The following HLCS variants were observed in gnomAD, a reference collection of about 807,000 sequenced individuals.
The protein encoded by HLCS is holocarboxylase synthetase, also known as biotin--protein ligase.
In HLCS, 53 loss-of-function variants were observed where a neutral mutation model predicts 75.0. The ratio of observed to expected loss-of-function variants is 0.71; its 90% CI spans 0.57 to 0.89. The LOEUF is 0.89. Ranked by LOEUF, HLCS falls within the 40% of genes least tolerant of loss-of-function variation. The probability of loss-of-function intolerance (pLI) is 0.00; values close to 1 mark genes in which losing one functional copy is unlikely to be tolerated. For missense variants in HLCS, 966 were observed against 1,074.0 expected (o/e 0.90, Z 1.41); for synonymous variants, 431 against 428.6 (o/e 1.01, Z -0.07).
chr21:36,897,227 C>T lies in HLCS; in HGVS notation c.1621-96G>A, dbSNP rs567144772. On this transcript the variant is annotated intron_variant, in intron 5 of 10. Coordinates refer to ENST00000674895, the MANE Select transcript of HLCS (RefSeq NM_001352514.2). ...TAATGCCATTTTGGTAATATGAGTA[C>T]TTCCTAATTCATGACCAAGAAAAGC... is the stretch of plus-strand genomic sequence containing the variant. 118 of 1,199,052 alleles carry T rather than the reference C, an allele frequency of 9.8e-5. No homozygotes were observed. In the African/African-American group the frequency reaches 1.0e-3, roughly 11 times the overall value. The allele number at this position is 1,199,052 out of a possible 1,614,324, so 74.3% of individuals were successfully genotyped here. A position where few individuals can be genotyped will look rare whatever the true frequency, so the allele number is the denominator to read the frequency against.
intron 6 of HLCS, among the ~76,000 whole-genome samples, chr21:36,862,723 G>A (rs1203617923): frequency 6.6e-6 from 1 of 152,136 alleles, no homozygotes; most frequent in Non-Finnish European, 1.5e-5. Context: ...GTCGGGGCCT[G>A]GGCCACCATC....
chr21:36,984,372 ATAAAAT>A (rs1193819392), intron 1 of HLCS, among the ~76,000 whole-genome samples: 1 of 152,308 alleles, frequency 6.6e-6, no homozygotes, highest in South Asian at 2.1e-4. Flanking sequence ...TAAACTAATA[ATAAAAT>A]TAAATAAAGT....
chr21:36,768,070 C>G (rs1016486709), intron 6 of HLCS, among the ~76,000 whole-genome samples: 5 of 152,200 alleles, frequency 3.3e-5, no homozygotes, highest in Non-Finnish European at 7.3e-5. Context: ...CTATTTTAAC[C>G]CCGTGGTAGG....
intron 6 of HLCS, among the ~76,000 whole-genome samples, chr21:36,784,564 C>T (rs932816193): frequency 6.6e-6 from 1 of 152,094 alleles, no homozygotes; most frequent in Admixed American, 6.5e-5. Flanking sequence ...GATCCACCCA[C>T]CTCAGCTTCC....
chr21:36,848,039 G>C (rs879501677), intron 6 of HLCS, among the ~76,000 whole-genome samples: 2 of 152,072 alleles, frequency 1.3e-5, no homozygotes, highest in Admixed American at 1.3e-4. Flanking sequence ...TAAACACCAA[G>C]AACAGCTTCT....
At chr21:36,902,049 G>A (rs1422510445) in intron 5 of HLCS, among the ~76,000 whole-genome samples, 1 of 152,178 alleles carries the variant, frequency 6.6e-6, no homozygotes, top group Non-Finnish European at 1.5e-5. Context: ...GCCGTGGGGA[G>A]AGGGCTGAGA....
At chr21:36,764,969 G>T (rs777479404) in intron 8 of HLCS, 43 bp downstream of exon 8, 9 of 1,599,918 alleles carry the variant, frequency 5.6e-6, no homozygotes, top group Non-Finnish European at 6.9e-6. Context: ...GCCAGATTCT[G>T]CATGCATCCC....
chr21:36,794,525 T>G (rs2060969027), intron 6 of HLCS, among the ~76,000 whole-genome samples: 1 of 152,094 alleles, frequency 6.6e-6, no homozygotes, highest in African/African-American at 2.4e-5. Context: ...AAGCACACTC[T>G]GTGCGTATGG....
intron 5 of HLCS, among the ~76,000 whole-genome samples, chr21:36,913,092 C>A (rs893237394): frequency 6.6e-6 from 1 of 152,126 alleles, no homozygotes; most frequent in Admixed American, 6.5e-5. Flanking sequence ...CCTTTCCAGG[C>A]GACACCTCTG....
chr21:36,788,614 G>A (rs2060767254), intron 6 of HLCS, among the ~76,000 whole-genome samples: 1 of 152,212 alleles, frequency 6.6e-6, no homozygotes, highest in African/African-American at 2.4e-5. Flanking sequence ...AATGAGTGTG[G>A]GAGGAGGAGC....
At chr21:36,911,530 G>T (rs1272372437) in intron 5 of HLCS, among the ~76,000 whole-genome samples, 1 of 151,970 alleles carries the variant, frequency 6.6e-6, no homozygotes, top group Non-Finnish European at 1.5e-5. Flanking sequence ...GGATCACAAG[G>T]TAAGGAGATC....
At chr21:36,793,156 T>G (rs576350073) in intron 6 of HLCS, among the ~76,000 whole-genome samples, 2 of 152,280 alleles carry the variant, frequency 1.3e-5, no homozygotes, top group East Asian at 3.9e-4. Flanking sequence ...TTCTTTCTAT[T>G]GCTCCATTCA....
chr21:36,770,647 T>G lies in HLCS; in HGVS notation c.1893-3362A>C, dbSNP rs558447873. Reference sequence around the variant, plus strand: ...TCTCAGCTAGAGTGCAGTGACTCACTATAGCCTGGACCTCCAGGGCTCAAG... The same window carrying G: ...TCTCAGCTAGAGTGCAGTGACTCACGATAGCCTGGACCTCCAGGGCTCAAG... On this transcript the variant is annotated intron_variant, in intron 6 of 10. Coordinates refer to ENST00000674895, the MANE Select transcript of HLCS (RefSeq NM_001352514.2). 5.3e-3 allele frequency among the ~76,000 whole-genome samples: 810 copies of G among 151,962 alleles called. 4 individuals are homozygous for G. Among genetic ancestry groups the G allele is most frequent in the Non-Finnish European group, 9.2e-3 (625 of 67,966 alleles).
chr21:36,784,137 T>G (rs2060618210), intron 6 of HLCS, among the ~76,000 whole-genome samples: 1 of 152,080 alleles, frequency 6.6e-6, no homozygotes, highest in Admixed American at 6.6e-5. Context: ...ACATCATCAT[T>G]GCCAAGTAGT....
rs545339572 is a variant in HLCS, at chr21:36,942,237, A to C, written c.331-3243T>G. 2.0e-5 allele frequency among the ~76,000 whole-genome samples: 3 copies of C among 152,126 alleles called. No individual in the cohort carries two copies. The East Asian group carries it at 5.8e-4, about 29-fold the overall frequency. On this transcript the variant is annotated intron_variant, in intron 2 of 10. Transcript: ENST00000674895. The stretch of plus-strand genomic sequence containing the variant: ...ATTAAATTGATACAGAAAAAGAAAA[A>C]AACCACAGATAGAGAAGCGTTAAAG...
At chr21:36,887,438 T>A (rs553098069) in intron 6 of HLCS, among the ~76,000 whole-genome samples, 16 of 152,134 alleles carry the variant, frequency 1.1e-4, no homozygotes, top group South Asian at 1.0e-3. Flanking sequence ...TGACAAAATA[T>A]GAAAATAAAC....
chr21:36,984,931 T>G (rs1471652102), intron 1 of HLCS, among the ~76,000 whole-genome samples: 2 of 152,082 alleles, frequency 1.3e-5, no homozygotes, highest in South Asian at 4.2e-4. Context: ...AACTGAAACC[T>G]TGGAAAGCAA....
intron 6 of HLCS, among the ~76,000 whole-genome samples, chr21:36,796,757 A>G (rs1219956806): frequency 6.6e-6 from 1 of 152,240 alleles, no homozygotes; most frequent in Non-Finnish European, 1.5e-5. Context: ...GTTTATGAAT[A>G]ATAACTTCCA....
In HLCS at chr21:36,962,091, G is replaced by A. The variant is rs767927999; in HGVS notation, c.275C>T (p.Thr92Met). 19 of 1,288,922 alleles carry A rather than the reference G, an allele frequency of 1.5e-5. No homozygotes were observed. Among genetic ancestry groups the A allele is most frequent in the East Asian group, 1.1e-4 (2 of 18,036 alleles). 79.8% of individuals were successfully genotyped at this position (1,288,922 alleles called of 1,614,324 possible). A position where few individuals can be genotyped will look rare whatever the true frequency, so the allele number is the denominator to read the frequency against. The part of the protein sequence containing the change: ...ILEAEHIAFV[T>M]ESIWVQSENL... ...CTCACTTTGTACCCAAATGCTCTCC[G>A]TCACAAATGCTATGTGTTCTGCTTC... Residue 92 changes from threonine (T) to methionine (M), a missense_variant, in exon 2 of 11, where the codon ACG (threonine) becomes ATG (methionine). Transcript: ENST00000674895.
Sources: gnomAD v4.1 joint callset for allele counts (sites outside exome capture counted in the v4.1 genomes callset) on GRCh38, gnomAD v4.1.1 for gene constraint, MANE v1.5 for transcripts, NCBI Gene and HGNC (gene_info 2026-07-23, HGNC 2026-07-21) for gene names.